WHRN: variants seen among roughly 807,000 people sequenced by gnomAD.
WHRN encodes CASK-interacting protein CIP98.
In WHRN, 41 loss-of-function variants were observed where a neutral mutation model predicts 68.3. The observed-to-expected ratio is 0.60, with a 90% CI of 0.47 to 0.78. The LOEUF (loss-of-function observed/expected upper bound fraction) is 0.78, where lower values mean the gene tolerates loss of function less well. Among genes scored for constraint, WHRN ranks in the 30% least tolerant of loss-of-function variants. The probability of loss-of-function intolerance (pLI) is 0.00; values close to 1 mark genes in which losing one functional copy is unlikely to be tolerated. For missense variants in WHRN, 1,243 were observed against 1,244.7 expected, an observed-to-expected ratio of 1.00 and a Z score of 0.02; for synonymous variants, 560 against 561.3, an observed-to-expected ratio of 1.00 and a Z score of 0.03.
At position 114,504,928 on chromosome 9, in the gene WHRN, G is replaced by A; in HGVS notation, c.-127C>T. 7.8e-7 allele frequency: 1 copy of A among 1,284,996 alleles called. No homozygotes were observed. The highest frequency in any genetic ancestry group is 9.9e-7 in the Non-Finnish European group (1 of 1,010,788). The allele number at this position is 1,284,996 out of a possible 1,614,324, so 79.6% of individuals were successfully genotyped here. ...GACGACGGCTGGAGCCTGGGTTTGG[G>A]GAGCACGGGTACAGTGGCTGGATCC... On this transcript the variant is annotated 5_prime_UTR_variant, in exon 1 of 12. Coordinates refer to ENST00000362057, the MANE Select transcript of WHRN (RefSeq NM_015404.4).
At chr9:114,473,708 T>C (rs906656954) in intron 2 of WHRN, among the ~76,000 whole-genome samples, 16 of 152,164 alleles carry the variant, frequency 1.1e-4, no homozygotes, top group Admixed American at 7.9e-4. Flanking sequence ...CCAATAAATA[T>C]GGGTGATAGA....
intron 1 of WHRN, among the ~76,000 whole-genome samples, chr9:114,489,516 GCACACACACA>G (rs67518088): frequency 4.0e-5 from 6 of 151,078 alleles, no homozygotes; most frequent in Non-Finnish European, 7.4e-5. Flanking sequence ...ACACACGCGT[GCACACACACA>G]CACACACACA....
At chr9:114,415,581 C>T (rs191260334) in intron 7 of WHRN, among the ~76,000 whole-genome samples, 32 of 152,286 alleles carry the variant, frequency 2.1e-4, no homozygotes, top group African/African-American at 7.2e-4. Flanking sequence ...CCAGACTGGT[C>T]GGGGCCCATG....
At chr9:114,491,844 T>C in intron 1 of WHRN, 1 of 263,554 alleles carries the variant, frequency 3.8e-6, no homozygotes, top group Non-Finnish European at 7.6e-6. Context: ...GTCCCAGCCC[T>C]GATGGCTTCC....
Position 114,504,630 on chromosome 9 carries a change from A to T in WHRN, c.172T>A (p.Phe58Ile), listed in dbSNP as rs770751909. ...TGGTAAGCGTTCAGGCAGTGGGTGAACTGCTCCCGCTCCGCCTCGCTCAGC... is the reference window on the plus strand; with the variant it reads ...TGGTAAGCGTTCAGGCAGTGGGTGATCTGCTCCCGCTCCGCCTCGCTCAGC... ...ALLSEAEREQFTHCLNAYHAR... is the reference protein window; with the variant it reads ...ALLSEAEREQITHCLNAYHAR... The change falls in exon 1 of 12, where the codon TTC (phenylalanine) becomes ATC (isoleucine). Residue 58 changes from phenylalanine (F) to isoleucine (I), a missense_variant. Coordinates refer to ENST00000362057, the MANE Select transcript of WHRN (RefSeq NM_015404.4). 1 of 1,609,372 alleles carries T rather than the reference A, an allele frequency of 6.2e-7. No homozygotes were observed. Among genetic ancestry groups the T allele is most frequent in the East Asian group, 2.2e-5 (1 of 44,820 alleles).
rs1834747888 is a variant in WHRN at position 114,402,385 on chromosome 9, G to C, written c.*369C>G. On this transcript the variant is annotated 3_prime_UTR_variant, in exon 12 of 12. Transcript: ENST00000362057. ...TGAATTCTCGAGTGACCTCACTTTGGACAAAGGCTCAGGCATCTGGGGATG... is the reference window on the plus strand; with the variant it reads ...TGAATTCTCGAGTGACCTCACTTTGCACAAAGGCTCAGGCATCTGGGGATG... 3.2e-6 allele frequency: 1 copy of C among 316,574 alleles called. No individual in the cohort carries two copies. The highest frequency in any genetic ancestry group is 3.2e-5 in the South Asian group (1 of 30,974). The allele number at this position is 316,574 out of a possible 1,614,324, so 19.6% of individuals were successfully genotyped here.
rs765997191 is a variant in WHRN, at chr9:114,406,591, G to C, written c.2000C>G (p.Ala667Gly). 1 of 1,610,742 alleles carries C rather than the reference G, an allele frequency of 6.2e-7. No homozygotes were observed. The highest frequency in any genetic ancestry group is 1.1e-5 in the South Asian group (1 of 90,992). ...ANPSSKRPLD[A>G]HLALVNQHPI... The stretch of plus-strand genomic sequence containing the variant: ...GTGTTGGTTGACCAGGGCCAGATGG[G>C]CGTCCAGCGGCCTCTTGGAGCTGGG... Residue 667 changes from alanine to glycine, a missense_variant, in exon 9 of 12, where the codon GCC (alanine) becomes GGC (glycine). Physicochemically the swap from Ala to Gly is moderately conservative, Grantham distance 60. Transcript: ENST00000362057.
intron 1 of WHRN, among the ~76,000 whole-genome samples, chr9:114,495,596 GACA>G (rs1447468881): frequency 1.3e-5 from 2 of 152,212 alleles, no homozygotes; most frequent in Non-Finnish European, 2.9e-5. Flanking sequence ...CCTGTGCAGA[GACA>G]ACAAGGCTAG....
At position 114,406,905 on chromosome 9, in the gene WHRN, C is replaced by A. The variant is rs1416129523; in HGVS notation, c.1699-13G>T. Reference sequence around the variant, plus strand: ...ATCTGACATCATCCTGCCAAAAGACCCAACAGGCGGAGAAGGAGTCAGACC... The same window carrying A: ...ATCTGACATCATCCTGCCAAAAGACACAACAGGCGGAGAAGGAGTCAGACC... On this transcript the variant is annotated splice_polypyrimidine_tract_variant and intron_variant, in intron 8 of 11. Transcript: ENST00000362057. The A allele has an allele frequency of 6.4e-7, 1 of 1,561,328 alleles. No individual in the cohort carries two copies. Among genetic ancestry groups the A allele is most frequent in the South Asian group, 1.2e-5 (1 of 85,080 alleles).
intron 2 of WHRN, among the ~76,000 whole-genome samples, chr9:114,468,275 C>T (rs1840896790): frequency 6.6e-6 from 1 of 152,220 alleles, no homozygotes; most frequent in Non-Finnish European, 1.5e-5. Flanking sequence ...GTATGAGCTA[C>T]TGTTGGTTCT....
intron 7 of WHRN, among the ~76,000 whole-genome samples, chr9:114,413,210 AAG>A (rs1364599068): frequency 6.6e-6 from 1 of 152,224 alleles, no homozygotes; most frequent in Non-Finnish European, 1.5e-5. Flanking sequence ...CAGAGGGAGA[AAG>A]AGATTAGAGG....
In WHRN at chr9:114,403,156, T is replaced by C. The variant is rs1834790504; in HGVS notation, c.2541+61A>G. 3.2e-5 allele frequency: 52 copies of C among 1,609,814 alleles called. 1 individual carries two copies. The South Asian group carries it at 5.6e-4, about 17-fold the overall frequency. On this transcript the variant is annotated intron_variant, in intron 11 of 11. Transcript: ENST00000362057. ...CATGGGAGTCGCAAAACCCTGGAGA[T>C]GCTGAGAAAGGGCCTTTCAGGGGTA...
At chr9:114,432,097 TCACCACTGATGGAGGA>T (rs1837472432) in intron 3 of WHRN, among the ~76,000 whole-genome samples, 2 of 152,198 alleles carry the variant, frequency 1.3e-5, no homozygotes, top group Admixed American at 1.3e-4. Flanking sequence ...ATCCTATTTG[TCACCACTGATGGAGGA>T]GTGGAGGGTG....
chr9:114,415,887 A>T (rs763299792), intron 7 of WHRN, among the ~76,000 whole-genome samples: 2 of 151,932 alleles, frequency 1.3e-5, no homozygotes, highest in Non-Finnish European at 2.9e-5. Context: ...GCCCTTTGAC[A>T]GTTTTCTACT....
intron 3 of WHRN, among the ~76,000 whole-genome samples, chr9:114,433,282 C>T (rs1304158283): frequency 6.6e-6 from 1 of 152,206 alleles, no homozygotes; most frequent in East Asian, 1.9e-4. Context: ...CGAGCTCCCT[C>T]GCCAGAAGTT....
rs1843283341 is a variant in WHRN at position 114,494,543 on chromosome 9, G to A, written c.618+9641C>T. Among the ~76,000 whole-genome samples, 5 of 152,242 alleles carry A rather than the reference G, an allele frequency of 3.3e-5. No homozygotes were observed. In the South Asian group the frequency reaches 1.0e-3, roughly 32 times the overall value. ...CCACAGCTAGAAAGTGGCAGAGCCA[G>A]TCTTGGAAACCCAGGGCTTCGGAGC... On this transcript the variant is annotated intron_variant, in intron 1 of 11. Transcript: ENST00000362057.
At chr9:114,408,199 G>C (rs978040212) in intron 7 of WHRN, among the ~76,000 whole-genome samples, 181 bp from the exon 8 acceptor site, 6 of 152,202 alleles carry the variant, frequency 3.9e-5, no homozygotes, top group African/African-American at 1.4e-4. Context: ...CAATTTGCCT[G>C]CTGGTCACTT....
rs746436467 is a variant in WHRN at position 114,504,448 on chromosome 9, G to A, written c.354C>T (p.Ala118=). The stretch of plus-strand genomic sequence containing the variant: ...AGGCGGGCTGCCTGTAGGGGGTGGT[G>A]GCGGGCAGGTAGAGGCCCTCGGCCG... ...QYTAEGLYLP[A]TTPYRQPAWG... Residue 118 remains alanine (A), a synonymous_variant, in exon 1 of 12, where the codon GCC becomes GCT. Transcript: ENST00000362057. 3.7e-6 allele frequency: 6 copies of A among 1,607,468 alleles called. No individual in the cohort carries two copies. Among genetic ancestry groups the A allele is most frequent in the Non-Finnish European group, 5.1e-6 (6 of 1,179,682 alleles).
In WHRN at chr9:114,505,093, G is replaced by A. The variant is rs1016028770; in HGVS notation, c.-292C>T. ...TTGGCTGCTGGAGCCCGGAGGTGGC[G>A]GAGACTGCTGCTGGAGTCCGGGGGG... On this transcript the variant is annotated 5_prime_UTR_variant, in exon 1 of 12. Transcript: ENST00000362057. The A allele has an allele frequency of 1.4e-4, 53 of 370,774 alleles. No individual in the cohort carries two copies. In the Middle Eastern group the frequency reaches 3.5e-3, roughly 24 times the overall value. The allele number at this position is 370,774 out of a possible 1,614,324, so 23.0% of individuals were successfully genotyped here.
Sources: gnomAD v4.1 joint callset for allele counts (sites outside exome capture counted in the v4.1 genomes callset) on GRCh38, gnomAD v4.1.1 for gene constraint, MANE v1.5 for transcripts, NCBI Gene and HGNC (gene_info 2026-07-23, HGNC 2026-07-21) for gene names.